ATXN8OS: variants seen among roughly 807,000 people sequenced by gnomAD.
ATXN8OS encodes ATXN8 opposite strand (non-protein coding).
intron 4 of ATXN8OS, among the ~76,000 whole-genome samples, chr13:70,162,047 A>G (rs1889015989): frequency 6.6e-6 from 1 of 152,022 alleles, no homozygotes; most frequent in Admixed American, 6.6e-5. Flanking sequence ...AGAAGAAAAA[A>G]GAGGAAAAGA....
chr13:70,115,083 A>G (rs894186150), intron 1 of ATXN8OS: 3 of 396,466 alleles, frequency 7.6e-6, no homozygotes, highest in Non-Finnish European at 1.3e-5. Context: ...TTGTGCTGCT[A>G]TAACAGAACA....
intron 4 of ATXN8OS, among the ~76,000 whole-genome samples, chr13:70,154,825 C>T (rs1221480302): frequency 6.6e-6 from 1 of 152,192 alleles, no homozygotes; most frequent in Admixed American, 6.5e-5. Context: ...CATGAGACAC[C>T]TGAGTAGGCC....
chr13:70,143,440 C>A (rs1422754245), intron 3 of ATXN8OS, among the ~76,000 whole-genome samples: 1 of 151,930 alleles, frequency 6.6e-6, no homozygotes, highest in African/African-American at 2.4e-5. Context: ...TATTATAAAC[C>A]GATTTCTCTA....
chr13:70,143,906 G>C (rs1888748367), intron 3 of ATXN8OS, among the ~76,000 whole-genome samples: 1 of 152,082 alleles, frequency 6.6e-6, no homozygotes, highest in African/African-American at 2.4e-5. Context: ...ATGATATATT[G>C]AGAAGATTAA....
At chr13:70,151,643 T>C (rs1394646753) in intron 4 of ATXN8OS, among the ~76,000 whole-genome samples, 2 of 152,044 alleles carry the variant, frequency 1.3e-5, no homozygotes, top group Admixed American at 6.6e-5. Flanking sequence ...AAACCAGCAA[T>C]AGACAGCTTT....
chr13:70,149,384 A>C (rs916144407), intron 4 of ATXN8OS, among the ~76,000 whole-genome samples: 4 of 152,156 alleles, frequency 2.6e-5, no homozygotes, highest in Admixed American at 1.3e-4. Flanking sequence ...AATTATGTAT[A>C]TATTTTTACT....
At chr13:70,165,093 TAAGA>T (rs1470410966) in intron 4 of ATXN8OS, among the ~76,000 whole-genome samples, 1 of 151,936 alleles carries the variant, frequency 6.6e-6, no homozygotes, top group Non-Finnish European at 1.5e-5. Flanking sequence ...TACAGTGGCT[TAAGA>T]AAGAAATTAC....
intron 2 of ATXN8OS, among the ~76,000 whole-genome samples, chr13:70,120,151 G>A (rs1328615): frequency 0.72 from 109,136 of 151,940 alleles, 39,515 homozygotes; most frequent in South Asian, 0.85. Context: ...TACCATGGAG[G>A]TTATGGGAGT....
At chr13:70,114,108 A>C (rs1352533829) in intron 1 of ATXN8OS, among the ~76,000 whole-genome samples, 1 of 152,230 alleles carries the variant, frequency 6.6e-6, no homozygotes, top group African/African-American at 2.4e-5. Context: ...TATTACTAGA[A>C]GTAAATTGGC....
chr13:70,157,686 G>A (rs1888955210), intron 4 of ATXN8OS, among the ~76,000 whole-genome samples: 3 of 152,058 alleles, frequency 2.0e-5, no homozygotes, highest in Non-Finnish European at 1.5e-5. Context: ...GGTACACGGA[G>A]AACCTTATAT....
chr13:70,162,407 C>T (rs139062433), intron 4 of ATXN8OS, among the ~76,000 whole-genome samples: 19 of 152,220 alleles, frequency 1.2e-4, no homozygotes, highest in African/African-American at 4.6e-4. Context: ...ACCAATCCCA[C>T]AGGGAGAAAT....
chr13:70,116,382 C>T (rs756151714), intron 2 of ATXN8OS, among the ~76,000 whole-genome samples: 3 of 152,088 alleles, frequency 2.0e-5, no homozygotes, highest in Non-Finnish European at 4.4e-5. Context: ...GGTGGTATTT[C>T]TCCTGTGTCC....
chr13:70,115,350 T>C (rs1888259902), intron 2 of ATXN8OS: 2 of 397,660 alleles, frequency 5.0e-6, no homozygotes, highest in Non-Finnish European at 8.9e-6. Context: ...GGAGTCCTCA[T>C]GACAGAAACA....
chr13:70,119,674 G>A (rs1429439775), intron 2 of ATXN8OS, among the ~76,000 whole-genome samples: 1 of 152,036 alleles, frequency 6.6e-6, no homozygotes, highest in Non-Finnish European at 1.5e-5. Flanking sequence ...TCTAACATCT[G>A]GAACTTTTTG....
intron 1 of ATXN8OS, among the ~76,000 whole-genome samples, chr13:70,114,933 G>A (rs754896350): frequency 9.9e-5 from 15 of 151,882 alleles, no homozygotes; most frequent in Non-Finnish European, 1.9e-4. Flanking sequence ...CTCATTAAAG[G>A]CAGAGATTCT....
At chr13:70,167,026 G>C (rs1199557875) in intron 4 of ATXN8OS, among the ~76,000 whole-genome samples, 10 of 152,056 alleles carry the variant, frequency 6.6e-5, no homozygotes, top group African/African-American at 2.4e-4. Context: ...ACAGGTGCTG[G>C]AGAGGTTGTG....
chr13:70,162,523 A>G (rs1889021431), intron 4 of ATXN8OS, among the ~76,000 whole-genome samples: 1 of 152,054 alleles, frequency 6.6e-6, no homozygotes, highest in Non-Finnish European at 1.5e-5. Flanking sequence ...ACGTTGTTGC[A>G]GGCTAGTTTC....
chr13:70,152,618 C>A (rs1297096415), intron 4 of ATXN8OS, among the ~76,000 whole-genome samples: 1 of 151,834 alleles, frequency 6.6e-6, no homozygotes, highest in Non-Finnish European at 1.5e-5. Flanking sequence ...CCTAGTGTAG[C>A]ACCTGGCATG....
chr13:70,132,354 T>C (rs1157233364), intron 3 of ATXN8OS, among the ~76,000 whole-genome samples: 1 of 151,242 alleles, frequency 6.6e-6, no homozygotes, highest in Non-Finnish European at 1.5e-5. Context: ...TGGAGGCCAT[T>C]ATCCTAAGTG....
Sources: allele counts gnomAD v4.1 joint callset (sites outside exome capture counted in the v4.1 genomes callset), GRCh38; gene constraint gnomAD v4.1.1; transcripts MANE v1.5; gene names NCBI Gene and HGNC (gene_info 2026-07-23, HGNC 2026-07-21).